Variants in RIMS1 observed in about 807,000 individuals in gnomAD.
RIMS1 encodes regulating synaptic membrane exocytosis protein 1.
In RIMS1, 83 loss-of-function variants were observed where a neutral mutation model predicts 214.1. That is an observed-to-expected ratio of 0.39 (90% CI 0.32 to 0.47). The LOEUF (loss-of-function observed/expected upper bound fraction) is 0.47, where lower values mean the gene tolerates loss of function less well. Ranked by LOEUF, RIMS1 falls within the 20% of genes least tolerant of loss-of-function variation. RIMS1 has a pLI of 0.99. For synonymous variants in RIMS1, 793 were observed against 786.8 expected, an observed-to-expected ratio of 1.01 and a Z score of -0.13; for missense variants, 2,050 against 2,161.8, an observed-to-expected ratio of 0.95 and a Z score of 1.03.
At chr6:72,304,083 T>C (rs1190076558) in intron 26 of RIMS1, among the ~76,000 whole-genome samples, 1 of 151,632 alleles carries the variant, frequency 6.6e-6, no homozygotes, top group East Asian at 1.9e-4. Context: ...TAGCTCTTGA[T>C]TATGTGGCAT....
At chr6:72,338,807 C>G (rs1167075786) in intron 29 of RIMS1, among the ~76,000 whole-genome samples, 1 of 151,028 alleles carries the variant, frequency 6.6e-6, no homozygotes, top group African/African-American at 2.4e-5. Context: ...AATTTAAACC[C>G]AGGCTACCTG....
intron 27 of RIMS1, among the ~76,000 whole-genome samples, chr6:72,313,225 T>G (rs1464734529): frequency 1.3e-5 from 2 of 152,184 alleles, no homozygotes; most frequent in South Asian, 4.1e-4. Flanking sequence ...ACTTTTGAGG[T>G]TCTAAATATG....
chr6:72,232,325 TAG>T (rs1033437886), intron 6 of RIMS1, among the ~76,000 whole-genome samples: 18 of 151,660 alleles, frequency 1.2e-4, no homozygotes, highest in Non-Finnish European at 2.1e-4. Flanking sequence ...TTTATTAATA[TAG>T]TTTTTCTTTC....
At chr6:72,054,591 G>T (rs941910461) in intron 2 of RIMS1, among the ~76,000 whole-genome samples, 1 of 151,922 alleles carries the variant, frequency 6.6e-6, no homozygotes, top group Non-Finnish European at 1.5e-5. Context: ...AACATCTATT[G>T]TTTCTTGACT....
chr6:72,040,212 G>A (rs1013216040), intron 2 of RIMS1, among the ~76,000 whole-genome samples: 1 of 152,012 alleles, frequency 6.6e-6, no homozygotes, highest in Admixed American at 6.6e-5. Flanking sequence ...TCTATACTTT[G>A]TATTCTTATG....
At chr6:72,238,359 A>C (rs1180104406) in intron 9 of RIMS1, among the ~76,000 whole-genome samples, 1 of 152,062 alleles carries the variant, frequency 6.6e-6, no homozygotes, top group East Asian at 1.9e-4. Context: ...GTCCTAAAAC[A>C]CTTATTCAGG....
chr6:72,171,386 G>A (rs2047009971), intron 4 of RIMS1, among the ~76,000 whole-genome samples: 1 of 149,026 alleles, frequency 6.7e-6, no homozygotes, highest in South Asian at 2.1e-4. Context: ...ATATATATAT[G>A]CACACATACA....
rs1435733097 is a variant in RIMS1 at position 72,274,332 on chromosome 6, G to A, written c.3399-17G>A. 1 of 1,583,744 alleles carries A rather than the reference G, an allele frequency of 6.3e-7. No homozygotes were observed. Among genetic ancestry groups the A allele is most frequent in the Non-Finnish European group, 8.7e-7 (1 of 1,155,260 alleles). On this transcript the variant is annotated splice_polypyrimidine_tract_variant and intron_variant, in intron 22 of 33. Coordinates refer to ENST00000521978, the MANE Select transcript of RIMS1 (RefSeq NM_014989.7). ...TAAATGTCCTGTTTTTTCCTGTCTT[G>A]TTCACTGGGCAAACAGGGGTAGATG...
chr6:72,278,985 G>A (rs2088429278), intron 23 of RIMS1, among the ~76,000 whole-genome samples: 1 of 151,964 alleles, frequency 6.6e-6, no homozygotes, highest in African/African-American at 2.4e-5. Flanking sequence ...AAAACATTAT[G>A]TAGTAGACTT....
At chr6:72,209,453 G>A (rs2053458265) in intron 6 of RIMS1, among the ~76,000 whole-genome samples, 1 of 152,208 alleles carries the variant, frequency 6.6e-6, no homozygotes, top group African/African-American at 2.4e-5. Context: ...GAATTCTTAT[G>A]TCTTCGAAAC....
At chr6:72,332,904 A>G (rs879006596) in intron 28 of RIMS1, among the ~76,000 whole-genome samples, 39 of 151,944 alleles carry the variant, frequency 2.6e-4, no homozygotes, top group Admixed American at 2.0e-3. Context: ...TTTTGATAGG[A>G]AAGAAAAAAA....
intron 2 of RIMS1, among the ~76,000 whole-genome samples, chr6:72,086,038 TC>T (rs766057686): frequency 9.2e-5 from 14 of 152,164 alleles, no homozygotes; most frequent in Non-Finnish European, 1.9e-4. Context: ...CCAAATGTTT[TC>T]ATTTTACACT....
intron 4 of RIMS1, among the ~76,000 whole-genome samples, chr6:72,169,705 A>C (rs1476364256): frequency 6.6e-6 from 1 of 152,164 alleles, no homozygotes; most frequent in Non-Finnish European, 1.5e-5. Flanking sequence ...GGAGTTCAAG[A>C]CCAGCCTGGG....
intron 19 of RIMS1, chr6:72,263,704 A>C: frequency 1.0e-6 from 1 of 985,270 alleles, no homozygotes; most frequent in Non-Finnish European, 1.2e-6. Flanking sequence ...ATTTGTCCTC[A>C]ACTTGTACTT....
chr6:71,892,086 T>C (rs754474233), intron 1 of RIMS1, among the ~76,000 whole-genome samples: 25 of 152,190 alleles, frequency 1.6e-4, no homozygotes, highest in Non-Finnish European at 3.2e-4. Flanking sequence ...AAAGTAAATT[T>C]GCCTGAGGCA....
At chr6:71,938,708 A>G (rs1332105650) in intron 1 of RIMS1, among the ~76,000 whole-genome samples, 3 of 152,110 alleles carry the variant, frequency 2.0e-5, no homozygotes, top group African/African-American at 4.8e-5. Context: ...CTGCCTTCCT[A>G]CAGCTCTGGA....
intron 18 of RIMS1, among the ~76,000 whole-genome samples, chr6:72,259,500 A>G (rs982594303): frequency 3.9e-5 from 6 of 152,266 alleles, no homozygotes; most frequent in South Asian, 2.1e-4. Context: ...ATAATTTAAA[A>G]CATTGTGGAT....
chr6:71,951,661 A>AT (rs3076630), intron 1 of RIMS1, among the ~76,000 whole-genome samples: 59 of 142,086 alleles, frequency 4.2e-4, no homozygotes, highest in African/African-American at 1.0e-3. Flanking sequence ...CGCTTAGCTA[A>AT]TTTTTTTTTT....
At chr6:72,308,519 A>G (rs527464160) in intron 27 of RIMS1, among the ~76,000 whole-genome samples, 2 of 152,236 alleles carry the variant, frequency 1.3e-5, no homozygotes, top group East Asian at 3.9e-4. Flanking sequence ...AGAAAAACCT[A>G]CTTATTTTTA....
Sources: allele counts gnomAD v4.1 joint callset (sites outside exome capture counted in the v4.1 genomes callset), GRCh38; gene constraint gnomAD v4.1.1; transcripts MANE v1.5; gene names NCBI Gene and HGNC (gene_info 2026-07-23, HGNC 2026-07-21).